Variants in SLF1 observed in about 807,000 individuals in gnomAD.
SLF1 encodes the protein SMC5-SMC6 complex localization factor protein 1.
Under a neutral mutation model 123.0 loss-of-function variants are expected in SLF1, and 105 were observed. That is an observed-to-expected ratio of 0.85 (90% CI 0.73 to 1.00). The LOEUF is 1.00. Among genes scored for constraint, SLF1 ranks in the 50% least tolerant of loss-of-function variants. The pLI is 0.00. For missense variants in SLF1, 1,239 were observed against 1,223.0 expected (o/e 1.01, Z -0.20); for synonymous variants, 434 against 406.6 (o/e 1.07, Z -0.81).
intron 4 of SLF1, among the ~76,000 whole-genome samples, chr5:94,631,543 G>A (rs1324046389): frequency 6.6e-6 from 1 of 152,140 alleles, no homozygotes; most frequent in Non-Finnish European, 1.5e-5. Context: ...CATTTCTCTA[G>A]TACAGTATTA....
At chr5:94,671,765 A>G (rs752297872) in intron 14 of SLF1, among the ~76,000 whole-genome samples, 4 of 148,878 alleles carry the variant, frequency 2.7e-5, no homozygotes, top group Admixed American at 2.0e-4. Flanking sequence ...CTTGACATTC[A>G]TTTCGTAGTT....
intron 4 of SLF1, among the ~76,000 whole-genome samples, chr5:94,631,983 TTTTTTC>T (rs960815963): frequency 5.6e-5 from 5 of 89,348 alleles, no homozygotes; most frequent in African/African-American, 2.0e-4. Context: ...TTTTTTTTTT[TTTTTTC>T]CAAATTAAAT....
intron 15 of SLF1, among the ~76,000 whole-genome samples, chr5:94,679,272 T>TC (rs1288610314): frequency 6.6e-6 from 1 of 152,110 alleles, no homozygotes; most frequent in African/African-American, 2.4e-5. Context: ...ACAGGAGACT[T>TC]CCCCCCACAT....
At chr5:94,677,943 C>CG (rs1391863594) in intron 14 of SLF1, among the ~76,000 whole-genome samples, 1 of 148,034 alleles carries the variant, frequency 6.8e-6, no homozygotes, top group Non-Finnish European at 1.5e-5. Flanking sequence ...TTTTTTGAGA[C>CG]GGAGTCTCAC....
At position 94,688,656 on chromosome 5, in the gene SLF1, C is replaced by T. The variant is rs1752719860; in HGVS notation, c.2272C>T (p.Leu758=). ...TACTAAACAAAAACAAGTCGAAGGG[C>T]TGCCAGAGTTACTGTAAGTGATGCT... is the stretch of plus-strand genomic sequence containing the variant. The part of the protein sequence containing the change: ...NGTKQKQVEG[L]PELLDLNLAK... The change falls in exon 17 of 21, where the codon CTG becomes TTG. Residue 758 remains leucine (L), a synonymous_variant. Transcript: ENST00000265140. 1 of 1,613,800 alleles carries T rather than the reference C, an allele frequency of 6.2e-7. No homozygotes were observed. The highest frequency in any genetic ancestry group is 1.3e-5 in the African/African-American group (1 of 74,918).
Position 94,696,524 on chromosome 5 carries a change from T to C in SLF1, c.*1212T>C, listed in dbSNP as rs1350500464. ...TGGCATCATACAAATCTCTTTATTA[T>C]TAATCTGCCAAAGTATCAGACAAAA... is the stretch of plus-strand genomic sequence containing the variant. On this transcript the variant is annotated 3_prime_UTR_variant, in exon 21 of 21. Transcript: ENST00000265140. 1 of 151,860 alleles carries C rather than the reference T, an allele frequency of 6.6e-6. No individual in the cohort carries two copies. Among genetic ancestry groups the C allele is most frequent in the African/African-American group, 2.4e-5 (1 of 41,398 alleles). 9.4% of individuals were successfully genotyped at this position (151,860 alleles called of 1,614,324 possible).
At chr5:94,668,701 A>G (rs747913961) in intron 12 of SLF1, among the ~76,000 whole-genome samples, 7 of 152,122 alleles carry the variant, frequency 4.6e-5, no homozygotes, top group African/African-American at 9.7e-5. Flanking sequence ...GCTGGTCTCA[A>G]ATTCCTGGGC....
intron 14 of SLF1, among the ~76,000 whole-genome samples, chr5:94,674,637 A>G (rs558572051): frequency 4.6e-5 from 7 of 152,246 alleles, no homozygotes; most frequent in African/African-American, 1.7e-4. Context: ...GAAGTATTCA[A>G]TTTAAGTCAT....
Position 94,697,327 on chromosome 5 carries a change from T to A in SLF1, c.*2015T>A, listed in dbSNP as rs764367373. 4 of 151,890 alleles carry A rather than the reference T, an allele frequency of 2.6e-5. No homozygotes were observed. The highest frequency in any genetic ancestry group is 4.4e-5 in the Non-Finnish European group (3 of 67,882). The allele number at this position is 151,890 out of a possible 1,614,324, so 9.4% of individuals were successfully genotyped here. ...GCTTCATTCCCAAAATTACTTCTTA[T>A]ACTTTATTTTAGAAAACATAATAAT... On this transcript the variant is annotated 3_prime_UTR_variant, in exon 21 of 21. Coordinates refer to ENST00000265140, the MANE Select transcript of SLF1 (RefSeq NM_032290.4).
chr5:94,668,330 G>A (rs1750053534), intron 12 of SLF1, among the ~76,000 whole-genome samples: 1 of 151,806 alleles, frequency 6.6e-6, no homozygotes, highest in Non-Finnish European at 1.5e-5. Context: ...GGTTGTGGTT[G>A]TAGTTTGTTT....
chr5:94,636,379 C>G (rs1745771060), intron 4 of SLF1, among the ~76,000 whole-genome samples: 1 of 151,844 alleles, frequency 6.6e-6, no homozygotes. Flanking sequence ...CTTTCTGGTC[C>G]CTTTCCTCTC....
At chr5:94,656,927 A>G (rs542589957) in intron 9 of SLF1, among the ~76,000 whole-genome samples, 1 of 150,478 alleles carries the variant, frequency 6.6e-6, no homozygotes, top group Non-Finnish European at 1.5e-5. Context: ...AAAAAAATTA[A>G]CTTATTTGTT....
intron 9 of SLF1, among the ~76,000 whole-genome samples, chr5:94,661,693 C>T (rs1469092699): frequency 2.6e-5 from 4 of 152,116 alleles, no homozygotes; most frequent in Admixed American, 1.3e-4. Context: ...CCTGCCACCA[C>T]GCCTGGCTAA....
chr5:94,689,521 G>A lies in SLF1; in HGVS notation c.2334G>A (p.Lys778=), dbSNP rs759792750. The A allele has an allele frequency of 2.5e-6, 4 of 1,612,174 alleles. No individual in the cohort carries two copies. The Admixed American group carries it at 6.7e-5, about 27-fold the overall frequency. ...KCSSSLKKLK[K]KSEGELSCSK... is the part of the protein sequence containing the mutation. ...CCTCATCATTAAAAAAATTGAAAAA[G>A]AAGTCAGAAGGAGAATTGTCATGTT... Residue 778 remains lysine, a synonymous_variant, in exon 18 of 21, where the codon AAG becomes AAA. Coordinates refer to ENST00000265140, the MANE Select transcript of SLF1 (RefSeq NM_032290.4).
chr5:94,669,844 C>G (rs1405503755), intron 12 of SLF1, among the ~76,000 whole-genome samples: 5 of 151,836 alleles, frequency 3.3e-5, no homozygotes, highest in African/African-American at 7.2e-5. Flanking sequence ...TTAATGAAAT[C>G]TATAATCTTT....
chr5:94,662,029 C>G (rs1419051454), intron 9 of SLF1, among the ~76,000 whole-genome samples: 9 of 152,082 alleles, frequency 5.9e-5, no homozygotes, highest in African/African-American at 1.7e-4. Flanking sequence ...AATTACGACA[C>G]TAAGGACAAT....
At chr5:94,639,946 TATCC>T (rs1249094974) in intron 4 of SLF1, among the ~76,000 whole-genome samples, 6 of 151,948 alleles carry the variant, frequency 3.9e-5, no homozygotes, top group Non-Finnish European at 2.9e-5. Flanking sequence ...TTTGTTCTTC[TATCC>T]TTTTTTCTAT....
intron 1 of SLF1, among the ~76,000 whole-genome samples, chr5:94,625,637 C>T (rs529503557): frequency 3.8e-4 from 58 of 152,198 alleles, no homozygotes; most frequent in African/African-American, 1.4e-3. Flanking sequence ...CCCACCTTGG[C>T]TTACCAAAGT....
chr5:94,687,718 CAAAG>C (rs1378944825), intron 16 of SLF1, among the ~76,000 whole-genome samples: 7 of 146,146 alleles, frequency 4.8e-5, no homozygotes, highest in African/African-American at 1.3e-4. Flanking sequence ...ACAACAACAA[CAAAG>C]AAAGAAAAGA....
Sources: allele counts gnomAD v4.1 joint callset (sites outside exome capture counted in the v4.1 genomes callset), GRCh38; gene constraint gnomAD v4.1.1; transcripts MANE v1.5; gene names NCBI Gene and HGNC (gene_info 2026-07-23, HGNC 2026-07-21).